CTNNA3: variants seen among roughly 807,000 people sequenced by gnomAD.
The protein encoded by CTNNA3 is catenin alpha 3.
Under a neutral mutation model 95.7 loss-of-function variants are expected in CTNNA3, and 76 were observed. The observed-to-expected ratio is 0.79, with a 90% CI of 0.66 to 0.96. The LOEUF is 0.96. Ranked by LOEUF, CTNNA3 falls within the 40% of genes least tolerant of loss-of-function variation. The pLI is 0.00. For synonymous variants in CTNNA3, 431 were observed against 374.4 expected (o/e 1.15, Z -1.74); for missense variants, 1,191 against 1,089.8 (o/e 1.09, Z -1.31).
At chr10:66,087,634 G>C (rs551805459) in intron 14 of CTNNA3, among the ~76,000 whole-genome samples, 1 of 152,124 alleles carries the variant, frequency 6.6e-6, no homozygotes. Context: ...GTGATCTCTG[G>C]AGTGCTTGGT....
At chr10:66,739,202 G>T (rs1312905317) in intron 9 of CTNNA3, among the ~76,000 whole-genome samples, 1 of 152,116 alleles carries the variant, frequency 6.6e-6, no homozygotes. Flanking sequence ...TTAGAGCAAT[G>T]GTTCTCAAAC....
Position 67,713,600 on chromosome 10 carries a change from A to C in CTNNA3, c.-2+49834T>G, listed in dbSNP as rs1027887989. On this transcript the variant is annotated intron_variant, in intron 1 of 17. Coordinates refer to the CTNNA3 transcript ENST00000684154. ...ACATATACACCATGGAATACTATGT[A>C]GCCATAAAAAAAGAATGAGTTCATG... Among the ~76,000 whole-genome samples the C allele has an allele frequency of 3.3e-5, 5 of 152,348 alleles. No individual in the cohort carries two copies. In the South Asian group the frequency reaches 1.0e-3, roughly 32 times the overall value.
At chr10:66,813,070 A>G (rs1383168767) in intron 7 of CTNNA3, among the ~76,000 whole-genome samples, 4 of 152,180 alleles carry the variant, frequency 2.6e-5, no homozygotes, top group Non-Finnish European at 5.9e-5. Flanking sequence ...TAAAGTGCAG[A>G]CTGGCTATTA....
At chr10:67,721,085 T>C (rs898001866) in intron 1 of CTNNA3, among the ~76,000 whole-genome samples, 1 of 152,220 alleles carries the variant, frequency 6.6e-6, no homozygotes. Context: ...CCTTAATTTC[T>C]TTTCTTTCAT....
intron 11 of CTNNA3, among the ~76,000 whole-genome samples, chr10:66,417,607 A>T (rs2093157916): frequency 6.6e-6 from 1 of 152,094 alleles, no homozygotes; most frequent in African/African-American, 2.4e-5. Context: ...AATATTCTCT[A>T]GAACAGACCA....
chr10:66,532,330 T>C (rs934643683), intron 10 of CTNNA3, among the ~76,000 whole-genome samples: 4 of 151,874 alleles, frequency 2.6e-5, no homozygotes, highest in South Asian at 2.1e-4. Flanking sequence ...GGCGTGGTGG[T>C]AGGTGCCTGA....
At chr10:67,061,717 T>G (rs1357713622) in intron 7 of CTNNA3, among the ~76,000 whole-genome samples, 1 of 152,204 alleles carries the variant, frequency 6.6e-6, no homozygotes, top group Non-Finnish European at 1.5e-5. Flanking sequence ...TCAGCAGTTG[T>G]GTGCATATTC....
chr10:67,611,317 CTT>C (rs758580479), intron 2 of CTNNA3, among the ~76,000 whole-genome samples: 8 of 144,052 alleles, frequency 5.6e-5, no homozygotes, highest in Non-Finnish European at 4.6e-5. Flanking sequence ...AATATGTTGA[CTT>C]TTTTTTTTTT....
chr10:66,285,361 G>C (rs767429756), intron 12 of CTNNA3, among the ~76,000 whole-genome samples: 6 of 151,890 alleles, frequency 4.0e-5, no homozygotes, highest in Non-Finnish European at 7.4e-5. Context: ...AGTCTCTCCA[G>C]TGACTTAGAA....
chr10:66,760,273 A>T (rs1487450768), intron 9 of CTNNA3, among the ~76,000 whole-genome samples: 8 of 152,256 alleles, frequency 5.3e-5, no homozygotes, highest in Middle Eastern at 3.4e-3. Flanking sequence ...ACTGCCAGCT[A>T]TACAAGAGGA....
chr10:66,612,092 G>T (rs1589495294), intron 10 of CTNNA3, among the ~76,000 whole-genome samples: 1 of 151,770 alleles, frequency 6.6e-6, no homozygotes, highest in African/African-American at 2.4e-5. Context: ...ATTTTCCCAG[G>T]TACTAGGCTA....
At chr10:66,512,959 A>T in intron 11 of CTNNA3, among the ~76,000 whole-genome samples, 1 of 152,064 alleles carries the variant, frequency 6.6e-6, no homozygotes, top group East Asian at 1.9e-4. Flanking sequence ...TACTTTGACA[A>T]TTTGACTATC....
At chr10:66,905,619 C>A (rs368702975) in intron 7 of CTNNA3, among the ~76,000 whole-genome samples, 1 of 152,082 alleles carries the variant, frequency 6.6e-6, no homozygotes, top group Non-Finnish European at 1.5e-5. Flanking sequence ...CACCTAATTG[C>A]CCATTGATCA....
intron 13 of CTNNA3, among the ~76,000 whole-genome samples, chr10:66,230,192 A>C (rs190478583): frequency 9.2e-4 from 140 of 152,296 alleles, no homozygotes; most frequent in African/African-American, 3.4e-3. Flanking sequence ...ACTTAAGATC[A>C]TTATTTTAAA....
At position 66,440,707 on chromosome 10, in the gene CTNNA3, T is replaced by G. The variant is rs138616196; in HGVS notation, c.1532-61355A>C. ...AAATCTGGAGCCAGATTATGTAGGT[T>G]TAAATCCTGGGGCACCCTCATCTGA... On this transcript the variant is annotated intron_variant, in intron 11 of 17. Transcript: ENST00000433211. Among the ~76,000 whole-genome samples the G allele has an allele frequency of 1.1e-3, 170 of 152,290 alleles. 1 individual carries two copies. The highest frequency in any genetic ancestry group is 3.9e-3 in the African/African-American group (163 of 41,566).
chr10:67,322,968 T>A (rs1250568901), intron 5 of CTNNA3, among the ~76,000 whole-genome samples: 1 of 152,212 alleles, frequency 6.6e-6, no homozygotes, highest in East Asian at 1.9e-4. Context: ...TCTTTAATGA[T>A]CAGTGATTTT....
chr10:67,610,171 T>C (rs1200898252), intron 2 of CTNNA3, among the ~76,000 whole-genome samples: 1 of 152,234 alleles, frequency 6.6e-6, no homozygotes, highest in African/African-American at 2.4e-5. Context: ...ACATTCCTCC[T>C]CTATTGTTCA....
intron 7 of CTNNA3, among the ~76,000 whole-genome samples, chr10:66,898,165 T>C (rs1436058795): frequency 6.6e-6 from 1 of 152,116 alleles, no homozygotes; most frequent in Non-Finnish European, 1.5e-5. Flanking sequence ...ATAATGACAT[T>C]TAAAAACAAC....
At chr10:67,282,930 C>T (rs966974326) in intron 5 of CTNNA3, among the ~76,000 whole-genome samples, 1 of 152,146 alleles carries the variant, frequency 6.6e-6, no homozygotes, top group Non-Finnish European at 1.5e-5. Flanking sequence ...AAGCAGGACC[C>T]CTTTTCCCAA....
Sources: gnomAD v4.1 joint callset for allele counts (sites outside exome capture counted in the v4.1 genomes callset) on GRCh38, gnomAD v4.1.1 for gene constraint, MANE v1.5 for transcripts, NCBI Gene and HGNC (gene_info 2026-07-23, HGNC 2026-07-21) for gene names.